SH3RF2: variants seen among roughly 807,000 people sequenced by gnomAD.
SH3RF2 encodes the protein SH3 domain containing ring finger 2, also known as E3 ubiquitin-protein ligase SH3RF2.
In SH3RF2, 43 loss-of-function variants were observed where a neutral mutation model predicts 59.0. That is an observed-to-expected ratio of 0.73 (90% confidence interval 0.57 to 0.94). The LOEUF is 0.94. Among genes scored for constraint, SH3RF2 ranks in the 40% least tolerant of loss-of-function variants. The pLI is 0.00. For missense variants in SH3RF2, 930 were observed against 940.1 expected, an observed-to-expected ratio of 0.99 and a Z score of 0.14; for synonymous variants, 391 against 391.5, an observed-to-expected ratio of 1.00 and a Z score of 0.01.
intron 2 of SH3RF2, among the ~76,000 whole-genome samples, chr5:145,987,610 C>A (rs72652832): frequency 0.096 from 14,563 of 152,208 alleles, 1,001 homozygotes; most frequent in East Asian, 0.25. Context: ...TTTCCTTCAT[C>A]ACGTTTACTC....
intron 2 of SH3RF2, among the ~76,000 whole-genome samples, chr5:145,983,108 T>TG (rs1161482066): frequency 6.6e-6 from 1 of 152,262 alleles, no homozygotes; most frequent in East Asian, 1.9e-4. Flanking sequence ...TATGTAGTGG[T>TG]GTTTTGGAGC....
intron 5 of SH3RF2, 70 bp downstream of exon 5, chr5:146,014,131 A>G (rs1486170177): frequency 2.3e-5 from 35 of 1,537,030 alleles, no homozygotes; most frequent in Non-Finnish European, 2.8e-5. Context: ...GTCACAACCA[A>G]TATTTGATGT....
chr5:146,060,159 C>G lies in SH3RF2; in HGVS notation c.1849C>G (p.Pro617Ala). ...CATCAAGAGTGAGCCTCTGCCAAAA[C>G]CGCCCGCATCTGCCCCACCATCCAT... Reference protein sequence around the residue: ...IPIKSEPLPKPPASAPPSILV... With the variant: ...IPIKSEPLPKAPASAPPSILV... The change falls in exon 9 of 10, where the codon CCG (proline) becomes GCG (alanine). Residue 617 changes from proline (P) to alanine (A), a missense_variant. By Grantham distance (27) the Pro-to-Ala change is conservative. Coordinates refer to ENST00000359120, the MANE Select transcript of SH3RF2 (RefSeq NM_152550.4). 1 of 1,614,074 alleles carries G rather than the reference C, an allele frequency of 6.2e-7. No homozygotes were observed. Among genetic ancestry groups the G allele is most frequent in the Non-Finnish European group, 8.5e-7 (1 of 1,179,974 alleles).
chr5:146,013,250 T>C (rs1760976777), intron 4 of SH3RF2, among the ~76,000 whole-genome samples: 1 of 152,108 alleles, frequency 6.6e-6, no homozygotes, highest in Admixed American at 6.5e-5. Flanking sequence ...CCCAGATAGC[T>C]AACGGACTAG....
chr5:146,049,226 T>C lies in SH3RF2; in HGVS notation c.1303T>C (p.Tyr435His), dbSNP rs1255371005. The change falls in exon 7 of 10, where the codon TAC becomes CAC. Residue 435 changes from tyrosine to histidine, a missense_variant. Physicochemically the swap from Tyr to His is moderately conservative, Grantham distance 83 (BLOSUM62 2). Coordinates refer to ENST00000359120, the MANE Select transcript of SH3RF2 (RefSeq NM_152550.4). ...TGRVGIFPNNYVIPIFRKTSS... is the reference protein window; with the variant it reads ...TGRVGIFPNNHVIPIFRKTSS... ...GCGAGTCGGCATCTTCCCAAACAAT[T>C]ACGTCATCCCCATTTTCAGGTGTGT... 4.3e-6 allele frequency: 7 copies of C among 1,611,840 alleles called. No homozygotes were observed. The South Asian group carries it at 7.7e-5, about 18-fold the overall frequency.
At chr5:146,062,137 A>G (rs1300312794) in intron 9 of SH3RF2, among the ~76,000 whole-genome samples, 7 of 152,090 alleles carry the variant, frequency 4.6e-5, no homozygotes, top group Non-Finnish European at 4.4e-5. Context: ...GGCTGTTTTT[A>G]TAGGCGGCGG....
chr5:146,016,380 ATG>A (rs1761104423), intron 5 of SH3RF2, among the ~76,000 whole-genome samples: 2 of 151,792 alleles, frequency 1.3e-5, no homozygotes, highest in African/African-American at 2.4e-5. Context: ...GGATGGATGG[ATG>A]GATGGATGGA....
At chr5:146,070,766 A>G (rs1683048930) in intron 9 of SH3RF2, among the ~76,000 whole-genome samples, 1 of 152,110 alleles carries the variant, frequency 6.6e-6, no homozygotes, top group African/African-American at 2.4e-5. Context: ...TTCAAATGCA[A>G]TTTCTTTTGG....
At chr5:145,958,631 A>C (rs535990981) in intron 2 of SH3RF2, among the ~76,000 whole-genome samples, 4 of 152,350 alleles carry the variant, frequency 2.6e-5, no homozygotes, top group African/African-American at 9.6e-5. Flanking sequence ...TCTTATACAA[A>C]TGTGCAGCGT....
intron 8 of SH3RF2, among the ~76,000 whole-genome samples, chr5:146,057,469 C>T (rs535868963): frequency 6.6e-6 from 1 of 152,330 alleles, no homozygotes; most frequent in African/African-American, 2.4e-5. Context: ...AAAATTCCTA[C>T]CTCATCAGGG....
chr5:146,018,246 C>T (rs1761180036), intron 5 of SH3RF2, among the ~76,000 whole-genome samples: 1 of 151,922 alleles, frequency 6.6e-6, no homozygotes, highest in Non-Finnish European at 1.5e-5. Flanking sequence ...CCTTAACCAC[C>T]CTCACCCTCC....
intron 2 of SH3RF2, among the ~76,000 whole-genome samples, chr5:145,956,025 GA>G (rs1758393565): frequency 6.6e-6 from 1 of 152,132 alleles, no homozygotes; most frequent in Admixed American, 6.5e-5. Context: ...AGCATGCATG[GA>G]ATAGACCAGA....
downstream of SH3RF2, among the ~76,000 whole-genome samples, chr5:146,068,278 G>A (rs1376503815): frequency 6.6e-6 from 1 of 152,202 alleles, no homozygotes; most frequent in Non-Finnish European, 1.5e-5. Context: ...TGACCACACA[G>A]GCAGCCACAT....
intron 2 of SH3RF2, chr5:145,997,997 T>G (rs981797849): frequency 2.7e-6 from 2 of 737,270 alleles, no homozygotes; most frequent in Non-Finnish European, 5.0e-6. Flanking sequence ...TAGACAAGTA[T>G]AGCACTGGAA....
At chr5:146,018,062 A>G (rs977851066) in intron 5 of SH3RF2, among the ~76,000 whole-genome samples, 9 of 152,184 alleles carry the variant, frequency 5.9e-5, no homozygotes, top group Admixed American at 5.9e-4. Context: ...CTGGGAGTGA[A>G]AGATTAGGTA....
At chr5:146,008,500 G>T (rs971058525) in intron 4 of SH3RF2, among the ~76,000 whole-genome samples, 1 of 151,982 alleles carries the variant, frequency 6.6e-6, no homozygotes, top group Non-Finnish European at 1.5e-5. Context: ...GGTGTCCTGG[G>T]GCCTCTAAGT....
In SH3RF2 at chr5:146,047,937, T is replaced by G. The variant is rs1474887175; in HGVS notation, c.1151+74T>G. On this transcript the variant is annotated intron_variant, in intron 6 of 9. Transcript: ENST00000359120. Reference sequence around the variant, plus strand: ...ATCTTTACCATGTACAGTGGTGATCTAGCATCACCATTCCCAAAACATCCC... The same window carrying G: ...ATCTTTACCATGTACAGTGGTGATCGAGCATCACCATTCCCAAAACATCCC... 16 of 1,361,674 alleles carry G rather than the reference T, an allele frequency of 1.2e-5. No homozygotes were observed. The East Asian group carries it at 2.8e-4, about 24-fold the overall frequency. 84.3% of individuals were successfully genotyped at this position (1,361,674 alleles called of 1,614,324 possible).
rs1296412240 is a variant in SH3RF2 at position 145,951,875 on chromosome 5, T to C, written c.378+13569T>C. Among the ~76,000 whole-genome samples the C allele has an allele frequency of 2.0e-5, 3 of 152,316 alleles. No individual in the cohort carries two copies. The East Asian group carries it at 5.8e-4, about 29-fold the overall frequency. On this transcript the variant is annotated intron_variant, in intron 2 of 9. Coordinates refer to ENST00000359120, the MANE Select transcript of SH3RF2 (RefSeq NM_152550.4). ...AGTATTCCTAACCTGGGGGACAAGA[T>C]AGAGCACTAGGTAAGAACAGGGGCT...
rs1295898223 is a variant in SH3RF2 at position 146,058,748 on chromosome 5, G to A, written c.1556-1118G>A. On this transcript the variant is annotated intron_variant, in intron 8 of 9. Transcript: ENST00000359120. ...TGTCTCCTCCACTTCCCCACAGAAT[G>A]CAATGAACTCCTGATTCCCCAGGTC... 2.6e-5 allele frequency among the ~76,000 whole-genome samples: 4 copies of A among 151,926 alleles called. No homozygotes were observed. The East Asian group carries it at 5.8e-4, about 22-fold the overall frequency.
Sources: gnomAD v4.1 joint callset for allele counts (sites outside exome capture counted in the v4.1 genomes callset) on GRCh38, gnomAD v4.1.1 for gene constraint, MANE v1.5 for transcripts, NCBI Gene and HGNC (gene_info 2026-07-23, HGNC 2026-07-21) for gene names.